The following CNTN5 variants were observed in gnomAD, a reference collection of about 807,000 sequenced individuals.
The protein encoded by CNTN5 is contactin 5, also known as contactin-5.
In CNTN5, 77 loss-of-function variants were observed where a neutral mutation model predicts 129.1. The ratio of observed to expected loss-of-function variants is 0.60; its 90% CI spans 0.50 to 0.72. The LOEUF (loss-of-function observed/expected upper bound fraction) is 0.72. Among genes scored for constraint, CNTN5 ranks in the 30% least tolerant of loss-of-function variants. The pLI is 0.00. For synonymous variants in CNTN5, 509 were observed against 465.6 expected (o/e 1.09, Z -1.20); for missense variants, 1,478 against 1,328.8 (o/e 1.11, Z -1.75).
intron 1 of CNTN5, among the ~76,000 whole-genome samples, chr11:99,039,557 G>A (rs997684392): frequency 3.9e-5 from 6 of 152,082 alleles, no homozygotes; most frequent in African/African-American, 1.4e-4. Context: ...GAGATGAGAG[G>A]AAAAGAGAGA....
At chr11:99,449,612 G>C (rs1224770995) in intron 2 of CNTN5, among the ~76,000 whole-genome samples, 1 of 152,166 alleles carries the variant, frequency 6.6e-6, no homozygotes, top group Non-Finnish European at 1.5e-5. Context: ...GATTAGTGGA[G>C]GTTCTTCTGC....
intron 9 of CNTN5, among the ~76,000 whole-genome samples, chr11:100,036,243 G>C (rs1157119037): frequency 1.1e-4 from 17 of 152,030 alleles, no homozygotes; most frequent in Admixed American, 1.1e-3. Context: ...CCCATTGCTT[G>C]TTTTTGTCAG....
At chr11:99,247,280 T>G (rs2135778994) in intron 1 of CNTN5, among the ~76,000 whole-genome samples, 1 of 152,238 alleles carries the variant, frequency 6.6e-6, no homozygotes, top group African/African-American at 2.4e-5. Context: ...TTTAATTTTC[T>G]GAACTGAATT....
chr11:99,166,465 G>T (rs1007567263), intron 1 of CNTN5, among the ~76,000 whole-genome samples: 1 of 151,118 alleles, frequency 6.6e-6, no homozygotes, highest in African/African-American at 2.4e-5. Context: ...GTGTAAAAAT[G>T]GGTAATTTTC....
At chr11:100,262,565 A>G (rs576885670) in intron 17 of CNTN5, among the ~76,000 whole-genome samples, 2 of 152,348 alleles carry the variant, frequency 1.3e-5, no homozygotes, top group African/African-American at 4.8e-5. Flanking sequence ...GATAGCCTGG[A>G]TGAAGAAAAT....
chr11:100,250,581 A>G (rs1949944413), intron 16 of CNTN5, among the ~76,000 whole-genome samples: 1 of 152,126 alleles, frequency 6.6e-6, no homozygotes, highest in South Asian at 2.1e-4. Flanking sequence ...GTTGTTTACA[A>G]TGGTTTATAA....
At chr11:99,161,864 T>G (rs1344457574) in intron 1 of CNTN5, among the ~76,000 whole-genome samples, 1 of 152,130 alleles carries the variant, frequency 6.6e-6, no homozygotes, top group East Asian at 1.9e-4. Flanking sequence ...TTAATCACAC[T>G]TTTACCACTG....
chr11:99,913,237 T>G (rs1949707193), intron 6 of CNTN5, among the ~76,000 whole-genome samples: 1 of 152,018 alleles, frequency 6.6e-6, no homozygotes, highest in South Asian at 2.1e-4. Context: ...CTCAGGCTAT[T>G]CAGTCTAACC....
At position 99,813,327 on chromosome 11, in the gene CNTN5, G is replaced by T. The variant is rs570839600; in HGVS notation, c.56-6217G>T. Among the ~76,000 whole-genome samples the T allele has an allele frequency of 3.3e-5, 5 of 152,206 alleles. No homozygotes were observed. The East Asian group carries it at 9.7e-4, about 29-fold the overall frequency. On this transcript the variant is annotated intron_variant, in intron 3 of 24. Coordinates refer to ENST00000524871, the MANE Select transcript of CNTN5 (RefSeq NM_014361.4). ...CTAAAATTTAGATCAAACCTACTCT[G>T]CTATTTCTTTAAGTGACAGCTCTTG...
intron 3 of CNTN5, among the ~76,000 whole-genome samples, chr11:99,809,256 A>G (rs959180468): frequency 6.6e-6 from 1 of 152,192 alleles, no homozygotes; most frequent in Admixed American, 6.5e-5. Flanking sequence ...TCGCTAAAAC[A>G]AATTGTGAGT....
intron 1 of CNTN5, among the ~76,000 whole-genome samples, chr11:99,030,118 C>T (rs1863296691): frequency 6.6e-6 from 1 of 152,054 alleles, no homozygotes. Flanking sequence ...CAGGTGTTTC[C>T]CTGAGCAACA....
intron 1 of CNTN5, among the ~76,000 whole-genome samples, chr11:99,206,619 TAC>T (rs200989867): frequency 0.14 from 21,099 of 151,934 alleles, 1,524 homozygotes; most frequent in African/African-American, 0.17. Flanking sequence ...CTTACCCACT[TAC>T]TACTACCTTA....
At chr11:100,100,009 T>C (rs1945164165) in intron 13 of CNTN5, among the ~76,000 whole-genome samples, 1 of 152,164 alleles carries the variant, frequency 6.6e-6, no homozygotes, top group Non-Finnish European at 1.5e-5. Flanking sequence ...TAAAAACCCT[T>C]GACTGCTTTT....
At chr11:99,206,410 A>T (rs1434116124) in intron 1 of CNTN5, among the ~76,000 whole-genome samples, 2 of 152,126 alleles carry the variant, frequency 1.3e-5, no homozygotes, top group Non-Finnish European at 2.9e-5. Flanking sequence ...CAATGTAAAC[A>T]AACAAAAATC....
intron 3 of CNTN5, among the ~76,000 whole-genome samples, chr11:99,790,118 T>C (rs989131908): frequency 2.0e-5 from 3 of 152,026 alleles, no homozygotes; most frequent in African/African-American, 7.2e-5. Flanking sequence ...TTGAAAGACA[T>C]GATTTCATTA....
chr11:99,872,749 G>C (rs1470699332), intron 6 of CNTN5, among the ~76,000 whole-genome samples: 1 of 152,100 alleles, frequency 6.6e-6, no homozygotes, highest in Non-Finnish European at 1.5e-5. Context: ...GGCATTATAT[G>C]AGTAACATGT....
At chr11:99,373,818 C>G (rs573110484) in intron 2 of CNTN5, among the ~76,000 whole-genome samples, 9 of 151,458 alleles carry the variant, frequency 5.9e-5, no homozygotes, top group Admixed American at 1.3e-4. Flanking sequence ...ATTAATATGT[C>G]CATATTTTGT....
intron 13 of CNTN5, among the ~76,000 whole-genome samples, chr11:100,112,292 G>A (rs908614879): frequency 6.6e-6 from 1 of 152,122 alleles, no homozygotes; most frequent in African/African-American, 2.4e-5. Flanking sequence ...CAATGAACAT[G>A]TTGAGGAATA....
chr11:99,822,148 C>A (rs1157645748), intron 4 of CNTN5, among the ~76,000 whole-genome samples: 1 of 152,094 alleles, frequency 6.6e-6, no homozygotes, highest in Non-Finnish European at 1.5e-5. Flanking sequence ...AAAGTCATCC[C>A]ACTCCTGTTC....
Sources: allele counts gnomAD v4.1 joint callset (sites outside exome capture counted in the v4.1 genomes callset), GRCh38; gene constraint gnomAD v4.1.1; transcripts MANE v1.5; gene names NCBI Gene and HGNC (gene_info 2026-07-23, HGNC 2026-07-21).